SORT1: variants seen among roughly 807,000 people sequenced by gnomAD.
The protein encoded by SORT1 is sortilin 1.
A neutral mutation model predicts 101.7 loss-of-function variants in SORT1; 39 were observed. That is an observed-to-expected ratio of 0.38 (90% CI 0.30 to 0.50). SORT1 has a LOEUF of 0.50. SORT1 is among the 20% of genes least tolerant of loss of function. The pLI is 0.90. For missense variants in SORT1, 878 were observed against 1,040.4 expected (o/e 0.84, Z 2.15); for synonymous variants, 396 against 393.7 (o/e 1.01, Z -0.07).
intron 15 of SORT1, among the ~76,000 whole-genome samples, chr1:109,318,691 G>A (rs757219480): frequency 4.0e-5 from 6 of 151,714 alleles, no homozygotes; most frequent in Non-Finnish European, 7.4e-5. Flanking sequence ...ACAGGGTCTC[G>A]CTCTGTTGCC....
chr1:109,354,707 A>C (rs1650194167), intron 4 of SORT1, among the ~76,000 whole-genome samples, 176 bp from the exon 5 acceptor site: 1 of 152,220 alleles, frequency 6.6e-6, no homozygotes, highest in South Asian at 2.1e-4. Context: ...CTTATAAAAA[A>C]ATAACACCCT....
intron 10 of SORT1, among the ~76,000 whole-genome samples, chr1:109,337,741 C>A (rs1482941052): frequency 2.0e-5 from 3 of 152,164 alleles, no homozygotes; most frequent in Non-Finnish European, 4.4e-5. Context: ...GATTCTCCTG[C>A]CTCAGCCTCC....
At chr1:109,352,954 A>G (rs908684799) in intron 5 of SORT1, among the ~76,000 whole-genome samples, 2 of 152,144 alleles carry the variant, frequency 1.3e-5, no homozygotes, top group East Asian at 1.9e-4. Flanking sequence ...CTGGAGGCCA[A>G]TTTCCAGGAA....
chr1:109,326,873 T>C (rs1570900035), intron 13 of SORT1, 119 bp downstream of exon 13: 4 of 696,316 alleles, frequency 5.7e-6, no homozygotes, highest in Non-Finnish European at 9.1e-6. Context: ...ATCTTATCTA[T>C]AGTTCTGTCA....
intron 1 of SORT1, among the ~76,000 whole-genome samples, chr1:109,376,551 A>G (rs1431363768): frequency 7.0e-6 from 1 of 142,188 alleles, no homozygotes; most frequent in Non-Finnish European, 1.6e-5. Flanking sequence ...ACACCATGTA[A>G]TACTATGGAG....
At position 109,390,798 on chromosome 1, in the gene SORT1, T is replaced by TGCGC. The variant is rs67438937; in HGVS notation, c.306+6785_306+6788dup. On this transcript the variant is annotated intron_variant, in intron 1 of 19. Coordinates refer to ENST00000256637, the MANE Select transcript of SORT1 (RefSeq NM_002959.7). ...GTGTGTGTGTGTGTGTGTGTGTGTG[T>TGCGC]GCGCGCGCGCGTTTTAGGACATACA... Among the ~76,000 whole-genome samples, 699 of 144,952 alleles carry TGCGC rather than the reference T, an allele frequency of 4.8e-3. 4 individuals are homozygous for TGCGC. The highest frequency in any genetic ancestry group is 9.5e-3 in the South Asian group (43 of 4,512).
intron 11 of SORT1, among the ~76,000 whole-genome samples, chr1:109,328,915 C>T (rs1648263213): frequency 6.6e-6 from 1 of 152,180 alleles, no homozygotes; most frequent in East Asian, 1.9e-4. Context: ...GGGCCCACCC[C>T]TGCACCAGGC....
chr1:109,334,605 CA>C (rs1208330095), intron 11 of SORT1, among the ~76,000 whole-genome samples: 4 of 152,248 alleles, frequency 2.6e-5, no homozygotes, highest in South Asian at 2.1e-4. Context: ...GGAAAATATA[CA>C]TGGTGACTAC....
At chr1:109,340,678 ACATGCAG>A in intron 10 of SORT1, 39 bp downstream of exon 10, 2 of 1,603,374 alleles carry the variant, frequency 1.2e-6, no homozygotes, top group Non-Finnish European at 1.7e-6. Context: ...AAATCCTACC[ACATGCAG>A]CTGAAGGCAC....
chr1:109,311,284 A>G lies in SORT1; in HGVS notation c.*2759T>C, dbSNP rs1658717371. The G allele has an allele frequency of 6.6e-6, 1 of 152,248 alleles. No homozygotes were observed. Among genetic ancestry groups the G allele is most frequent in the Non-Finnish European group, 1.5e-5 (1 of 68,040 alleles). 9.4% of individuals were successfully genotyped at this position (152,248 alleles called of 1,614,324 possible). On this transcript the variant is annotated 3_prime_UTR_variant, in exon 20 of 20. Coordinates refer to ENST00000256637, the MANE Select transcript of SORT1 (RefSeq NM_002959.7). The stretch of plus-strand genomic sequence containing the variant: ...TTATAATGCTAAATTCCATTGCTGA[A>G]GCCTCCAGAAATGATCTCTTCTGCT...
At chr1:109,370,948 G>A (rs1395728819) in intron 1 of SORT1, among the ~76,000 whole-genome samples, 3 of 152,216 alleles carry the variant, frequency 2.0e-5, no homozygotes, top group Non-Finnish European at 4.4e-5. Flanking sequence ...GAAATCTAAA[G>A]AAACAGAACT....
chr1:109,314,493 A>G, intron 18 of SORT1, 109 bp from the exon 19 acceptor site: 1 of 1,337,160 alleles, frequency 7.5e-7, no homozygotes, highest in Non-Finnish European at 1.0e-6. Context: ...TCACAGACAC[A>G]GAAAGCACAG....
chr1:109,332,323 A>AC (rs1264491815), intron 11 of SORT1, among the ~76,000 whole-genome samples: 3 of 152,230 alleles, frequency 2.0e-5, no homozygotes, highest in Non-Finnish European at 4.4e-5. Flanking sequence ...GTGGTGGCTC[A>AC]CATCTGTAAT....
At chr1:109,321,009 C>A (rs1487716913) in intron 15 of SORT1, among the ~76,000 whole-genome samples, 3 of 152,202 alleles carry the variant, frequency 2.0e-5, no homozygotes, top group Non-Finnish European at 1.5e-5. Context: ...GCCAGTTTCA[C>A]ATCCCAGCTC....
chr1:109,379,322 A>T (rs185091149), intron 1 of SORT1, among the ~76,000 whole-genome samples: 2 of 152,188 alleles, frequency 1.3e-5, no homozygotes, highest in East Asian at 3.9e-4. Flanking sequence ...AAAATCATAC[A>T]AAAAAATCTC....
intron 5 of SORT1, among the ~76,000 whole-genome samples, chr1:109,353,025 A>T (rs901530083): frequency 4.3e-5 from 3 of 69,962 alleles, no homozygotes; most frequent in Non-Finnish European, 6.0e-5. Context: ...TCTGGCCTCC[A>T]CTGCTAGGCT....
chr1:109,367,404 T>C lies in SORT1; in HGVS notation c.440+4A>G. The C allele has an allele frequency of 6.4e-7, 1 of 1,556,924 alleles. No individual in the cohort carries two copies. Among genetic ancestry groups the C allele is most frequent in the Non-Finnish European group, 8.8e-7 (1 of 1,131,766 alleles). Reference sequence around the variant, plus strand: ...AATGCTCCAACGCGTGTTATTGATCTCACCTTCGATATAGCTTGGACTGTC... The same window carrying C: ...AATGCTCCAACGCGTGTTATTGATCCCACCTTCGATATAGCTTGGACTGTC... On this transcript the variant is annotated splice_donor_region_variant and intron_variant, in intron 3 of 19. Coordinates refer to ENST00000256637, the MANE Select transcript of SORT1 (RefSeq NM_002959.7).
At chr1:109,324,729 G>A (rs992167485) in intron 14 of SORT1, among the ~76,000 whole-genome samples, 170 bp downstream of exon 14, 5 of 152,184 alleles carry the variant, frequency 3.3e-5, no homozygotes, top group African/African-American at 1.2e-4. Context: ...GGAGGAGGTT[G>A]TTTTTCTGAT....
At position 109,396,297 on chromosome 1, in the gene SORT1, A is replaced by G. The variant is rs188395996; in HGVS notation, c.306+1290T>C. On this transcript the variant is annotated intron_variant, in intron 1 of 19. Coordinates refer to ENST00000256637, the MANE Select transcript of SORT1 (RefSeq NM_002959.7). Reference sequence around the variant, plus strand: ...AATATGGAGCAAGAATGCTGTGACCAGCTAGCTCAAGGAAGGAAGTGGTCC... The same window carrying G: ...AATATGGAGCAAGAATGCTGTGACCGGCTAGCTCAAGGAAGGAAGTGGTCC... 5.1e-4 allele frequency among the ~76,000 whole-genome samples: 78 copies of G among 152,318 alleles called. 1 individual carries two copies. The highest frequency in any genetic ancestry group is 1.7e-3 in the African/African-American group (69 of 41,570).
Sources: allele counts gnomAD v4.1 joint callset (sites outside exome capture counted in the v4.1 genomes callset), GRCh38; gene constraint gnomAD v4.1.1; transcripts MANE v1.5; gene names NCBI Gene and HGNC (gene_info 2026-07-23, HGNC 2026-07-21).